Variants in GPR149 observed in about 807,000 individuals in gnomAD.
GPR149 encodes the protein probable G protein-coupled receptor 149.
Under a neutral mutation model 50.2 loss-of-function variants are expected in GPR149, and 50 were observed. The ratio of observed to expected loss-of-function variants is 1.00; its 90% CI spans 0.79 to 1.26. The LOEUF (loss-of-function observed/expected upper bound fraction) is 1.26, where lower values mean the gene tolerates loss of function less well. GPR149 is among the 50% of genes most tolerant of loss of function. GPR149 has a pLI of 0.00. For missense variants in GPR149, 983 were observed against 895.4 expected (o/e 1.10, Z -1.25); for synonymous variants, 405 against 358.2 (o/e 1.13, Z -1.48).
chr3:154,406,622 G>A (rs2108421105), intron 3 of GPR149, among the ~76,000 whole-genome samples: 1 of 152,124 alleles, frequency 6.6e-6, no homozygotes, highest in South Asian at 2.1e-4. Flanking sequence ...TATTGTTAAG[G>A]AAAAAAGTAA....
chr3:154,421,766 A>G (rs1422960751), intron 2 of GPR149, among the ~76,000 whole-genome samples: 4 of 151,818 alleles, frequency 2.6e-5, no homozygotes, highest in African/African-American at 4.8e-5. Flanking sequence ...CATAACAAAA[A>G]CTTAGCCATA....
chr3:154,370,026 T>C (rs1714628307), intron 3 of GPR149, among the ~76,000 whole-genome samples: 1 of 152,168 alleles, frequency 6.6e-6, no homozygotes, highest in African/African-American at 2.4e-5. Flanking sequence ...TAACTTGCAT[T>C]TTAGAAGGGT....
chr3:154,403,309 CA>C (rs1711593553), intron 3 of GPR149, among the ~76,000 whole-genome samples: 1 of 152,084 alleles, frequency 6.6e-6, no homozygotes, highest in Non-Finnish European at 1.5e-5. Flanking sequence ...TGAAATTTAA[CA>C]GAGATAAGAC....
intron 3 of GPR149, among the ~76,000 whole-genome samples, chr3:154,398,585 A>AAAAG (rs1208189516): frequency 6.6e-6 from 1 of 152,184 alleles, no homozygotes; most frequent in African/African-American, 2.4e-5. Flanking sequence ...GTACAATTTA[A>AAAAG]AAAGAAAGAA....
intron 3 of GPR149, among the ~76,000 whole-genome samples, chr3:154,346,350 G>A (rs916546932): frequency 6.6e-6 from 1 of 152,100 alleles, no homozygotes; most frequent in African/African-American, 2.4e-5. Context: ...AAACTATGTC[G>A]TTACTGTTTT....
chr3:154,397,548 TC>T (rs1181875121), intron 3 of GPR149, among the ~76,000 whole-genome samples: 5 of 151,352 alleles, frequency 3.3e-5, no homozygotes, highest in African/African-American at 1.2e-4. Flanking sequence ...TCCCAATTAT[TC>T]TAATATATTT....
intron 3 of GPR149, among the ~76,000 whole-genome samples, chr3:154,355,590 T>C (rs1714200538): frequency 6.6e-6 from 1 of 152,230 alleles, no homozygotes; most frequent in African/African-American, 2.4e-5. Context: ...TATTTTATCC[T>C]TTATTTCTGT....
chr3:154,364,148 C>G (rs1466975855), intron 3 of GPR149, among the ~76,000 whole-genome samples: 1 of 152,186 alleles, frequency 6.6e-6, no homozygotes, highest in Non-Finnish European at 1.5e-5. Context: ...GTGCCACTCC[C>G]TCCTGCTTGC....
intron 3 of GPR149, among the ~76,000 whole-genome samples, chr3:154,347,464 C>T (rs762684928): frequency 1.5e-4 from 23 of 152,152 alleles, no homozygotes; most frequent in Non-Finnish European, 3.2e-4. Flanking sequence ...GGGGTAACTG[C>T]CCCCATGATT....
At chr3:154,369,548 C>T (rs1038818810) in intron 3 of GPR149, among the ~76,000 whole-genome samples, 7 of 152,244 alleles carry the variant, frequency 4.6e-5, no homozygotes, top group African/African-American at 1.7e-4. Context: ...CCGGTCCCAC[C>T]GAAGTGTTAA....
intron 3 of GPR149, among the ~76,000 whole-genome samples, chr3:154,392,136 C>A (rs1715186094): frequency 6.6e-6 from 1 of 151,590 alleles, no homozygotes; most frequent in Non-Finnish European, 1.5e-5. Flanking sequence ...AGGATCTGAA[C>A]AACAGTATAG....
Position 154,427,636 on chromosome 3 carries a change from G to A in GPR149, c.1054C>T (p.Leu352=), listed in dbSNP as rs745970413. 2 of 1,614,232 alleles carry A rather than the reference G, an allele frequency of 1.2e-6. No homozygotes were observed. Among genetic ancestry groups the A allele is most frequent in the Non-Finnish European group, 8.5e-7 (1 of 1,180,034 alleles). The change falls in exon 2 of 4, where the codon CTG becomes TTG. Residue 352 remains leucine (L), a synonymous_variant. Coordinates refer to ENST00000389740, the MANE Select transcript of GPR149 (RefSeq NM_001038705.3). ...ACTGGGGTTACAGTGGTGGCCAGCA[G>A]GGTAAGTAGAAAGCTGAATGTCTCC... ...PLETFSFLLT[L]LATTVTPVFV...
intron 3 of GPR149, among the ~76,000 whole-genome samples, chr3:154,417,212 C>T (rs1712015639): frequency 6.6e-6 from 1 of 151,936 alleles, no homozygotes; most frequent in Admixed American, 6.6e-5. Flanking sequence ...TTCTTCTGAA[C>T]TTTCAAAATG....
intron 3 of GPR149, among the ~76,000 whole-genome samples, chr3:154,386,222 T>C (rs778394529): frequency 1.3e-5 from 2 of 152,224 alleles, no homozygotes; most frequent in African/African-American, 4.8e-5. Flanking sequence ...GGTCTAACAA[T>C]AGTTGTGAAT....
At position 154,421,278 on chromosome 3, in the gene GPR149, G is replaced by T. The variant is rs1039690478; in HGVS notation, c.1384C>A (p.Leu462Met). ...IKVEISTTPS[L>M]DSSTQRGINK... Reference sequence around the variant, plus strand: ...ATGCCTCTTTGTGTGGAGCTGTCCAGAGAGGGCGTGGTGCTGATTTCTACT... The same window carrying T: ...ATGCCTCTTTGTGTGGAGCTGTCCATAGAGGGCGTGGTGCTGATTTCTACT... The change falls in exon 3 of 4, where the codon CTG becomes ATG. Residue 462 changes from leucine to methionine, a missense_variant. Physicochemically the swap from Leu to Met is conservative, Grantham distance 15 (BLOSUM62 2). Transcript: ENST00000389740. The T allele has an allele frequency of 3.1e-6, 5 of 1,613,432 alleles. No homozygotes were observed. Among genetic ancestry groups the T allele is most frequent in the Non-Finnish European group, 4.2e-6 (5 of 1,179,508 alleles).
intron 3 of GPR149, among the ~76,000 whole-genome samples, chr3:154,420,520 AT>A (rs974548074): frequency 1.3e-5 from 2 of 151,886 alleles, no homozygotes; most frequent in Middle Eastern, 3.4e-3. Context: ...ATTCTGTAAT[AT>A]TTTTTTTCTG....
At chr3:154,426,821 CT>C (rs1165641636) in intron 2 of GPR149, among the ~76,000 whole-genome samples, 21 of 143,968 alleles carry the variant, frequency 1.5e-4, no homozygotes, top group Admixed American at 2.1e-4. Flanking sequence ...TCACTTGTGT[CT>C]TTTTTTTTTA....
At chr3:154,340,869 G>A (rs12487403) in intron 3 of GPR149, among the ~76,000 whole-genome samples, 21,665 of 151,998 alleles carry the variant, frequency 0.14, 1,950 homozygotes, top group East Asian at 0.39. Context: ...CTACAGGTGC[G>A]TGCCACCACA....
chr3:154,354,007 C>T (rs141959394), intron 3 of GPR149: 9 of 458,848 alleles, frequency 2.0e-5, no homozygotes, highest in Admixed American at 1.6e-4. Context: ...ATGATACTTG[C>T]TTTGATTTTT....
Sources: gnomAD v4.1 joint callset for allele counts (sites outside exome capture counted in the v4.1 genomes callset) on GRCh38, gnomAD v4.1.1 for gene constraint, MANE v1.5 for transcripts, NCBI Gene and HGNC (gene_info 2026-07-23, HGNC 2026-07-21) for gene names.